FAM107B: variants seen among roughly 807,000 people sequenced by gnomAD.
FAM107B encodes the protein family with sequence similarity 107 member B, also known as protein FAM107B.
Under a neutral mutation model 31.5 loss-of-function variants are expected in FAM107B, and 21 were observed. That is an observed-to-expected ratio of 0.67 (90% confidence interval 0.47 to 0.96). The LOEUF (loss-of-function observed/expected upper bound fraction) is 0.96, where lower values mean the gene tolerates loss of function less well. FAM107B is among the 40% of genes least tolerant of loss of function. FAM107B has a pLI of 0.00. For synonymous variants in FAM107B, 157 were observed against 141.5 expected (o/e 1.11, Z -0.78); for missense variants, 452 against 377.1 (o/e 1.20, Z -1.64).
intron 2 of FAM107B, among the ~76,000 whole-genome samples, chr10:14,593,718 G>A (rs577136853): frequency 7.7e-4 from 116 of 151,390 alleles, no homozygotes; most frequent in African/African-American, 2.7e-3. Context: ...GAAAATTATT[G>A]CTTATCATGG....
intron 1 of FAM107B, among the ~76,000 whole-genome samples, chr10:14,689,870 G>A (rs540789773): frequency 1.5e-4 from 23 of 152,194 alleles, no homozygotes; most frequent in African/African-American, 5.3e-4. Context: ...AGCTGAGGCA[G>A]GAGGATTACT....
chr10:14,530,587 C>G, intron 2 of FAM107B, 72 bp from the exon 3 acceptor site: 1 of 1,425,604 alleles, frequency 7.0e-7, no homozygotes, highest in Non-Finnish European at 9.7e-7. Context: ...CAGAGGCCCA[C>G]AGAGCTGTGC....
intron 2 of FAM107B, among the ~76,000 whole-genome samples, chr10:14,665,957 A>C (rs533323016): frequency 2.0e-5 from 3 of 152,156 alleles, no homozygotes; most frequent in Non-Finnish European, 4.4e-5. Flanking sequence ...GGCCTATGTC[A>C]AACCTACCCC....
In FAM107B at chr10:14,667,646, T is replaced by G. The variant is rs1854439008; in HGVS notation, c.457A>C (p.Lys153Gln). The G allele has an allele frequency of 3.7e-6, 6 of 1,614,210 alleles. No individual in the cohort carries two copies. The East Asian group carries it at 1.3e-4, about 36-fold the overall frequency. The change falls in exon 2 of 5, where the codon AAA (lysine) becomes CAA (glutamine). Residue 153 changes from lysine (K) to glutamine (Q), a missense_variant. By Grantham distance (53) the Lys-to-Gln change is moderately conservative. Transcript: ENST00000181796. ...EEPKCLELEQ[K>Q]MTSDSPPEDI... ...GAATGTACTCTACCTGATGTCATTT[T>G]CTGCTCCAGCTCGAGGCATTTAGGT... is the stretch of plus-strand genomic sequence containing the variant.
chr10:14,747,922 T>G (rs1832757234), intron 1 of FAM107B, among the ~76,000 whole-genome samples: 1 of 152,244 alleles, frequency 6.6e-6, no homozygotes, highest in African/African-American at 2.4e-5. Context: ...GATCCATCTC[T>G]GCCTGTCCCT....
chr10:14,773,258 T>C (rs1001927187), intron 1 of FAM107B, among the ~76,000 whole-genome samples: 62 of 152,244 alleles, frequency 4.1e-4, no homozygotes, highest in African/African-American at 1.4e-3. Flanking sequence ...AAATGATGTT[T>C]TAACCCTATC....
At chr10:14,660,587 C>T (rs1017785625) in intron 2 of FAM107B, among the ~76,000 whole-genome samples, 13 of 152,112 alleles carry the variant, frequency 8.5e-5, no homozygotes, top group Admixed American at 7.2e-4. Flanking sequence ...GTGAAGGATC[C>T]GTAGTTTCTG....
At chr10:14,530,659 T>G in intron 2 of FAM107B, 144 bp from the exon 3 acceptor site, 1 of 713,874 alleles carries the variant, frequency 1.4e-6, no homozygotes, top group East Asian at 2.8e-5. Context: ...ATAAATATTC[T>G]AAAGCGCTTG....
intron 2 of FAM107B, among the ~76,000 whole-genome samples, chr10:14,625,930 G>A (rs1216582121): frequency 3.4e-5 from 5 of 145,158 alleles, no homozygotes; most frequent in East Asian, 2.2e-4. Flanking sequence ...AGGAGAAGTC[G>A]TAATGGAATC....
chr10:14,608,738 C>T (rs1852654992), intron 2 of FAM107B, among the ~76,000 whole-genome samples: 1 of 152,192 alleles, frequency 6.6e-6, no homozygotes, highest in African/African-American at 2.4e-5. Context: ...TACATTCTAC[C>T]ATTAAAAATG....
chr10:14,707,346 C>T (rs939985938), intron 1 of FAM107B, among the ~76,000 whole-genome samples: 4 of 116,928 alleles, frequency 3.4e-5, no homozygotes, highest in Admixed American at 2.9e-4. Context: ...CCACCAATTG[C>T]GTTCCCACAA....
chr10:14,604,756 CCTCT>C (rs1258021299), intron 2 of FAM107B, among the ~76,000 whole-genome samples: 2 of 130,336 alleles, frequency 1.5e-5, no homozygotes, highest in African/African-American at 5.7e-5. Context: ...TCTCCCTCTA[CCTCT>C]CTGTCTCTCT....
At chr10:14,755,559 C>G (rs1017128803) in intron 1 of FAM107B, among the ~76,000 whole-genome samples, 1 of 151,786 alleles carries the variant, frequency 6.6e-6, no homozygotes, top group South Asian at 2.1e-4. Flanking sequence ...TCTGTAGACA[C>G]CATGCTACAC....
intron 1 of FAM107B, among the ~76,000 whole-genome samples, chr10:14,700,827 C>CAAAAAAAAAA (rs1159035034): frequency 1.3e-5 from 1 of 76,014 alleles, no homozygotes; most frequent in Non-Finnish European, 2.3e-5. Flanking sequence ...TGGCAAGAGG[C>CAAAAAAAAAA]AAAAAAAAAA....
At chr10:14,754,528 C>T (rs74122989) in intron 1 of FAM107B, among the ~76,000 whole-genome samples, 3,066 of 152,268 alleles carry the variant, frequency 0.02, 118 homozygotes, top group East Asian at 0.16. Context: ...TCCAGCTGAA[C>T]GAGGATGTGA....
intron 1 of FAM107B, among the ~76,000 whole-genome samples, chr10:14,732,940 TATG>T (rs1856208822): frequency 6.8e-6 from 1 of 146,484 alleles, no homozygotes; most frequent in African/African-American, 2.5e-5. Flanking sequence ...ATATTATAAT[TATG>T]ATACGTTATG....
intron 1 of FAM107B, among the ~76,000 whole-genome samples, chr10:14,677,119 A>G (rs1413563610): frequency 6.6e-6 from 1 of 152,130 alleles, no homozygotes; most frequent in African/African-American, 2.4e-5. Context: ...ACAAGGGTTG[A>G]TCCCAGGAGC....
intron 1 of FAM107B, among the ~76,000 whole-genome samples, chr10:14,770,984 A>T (rs1301125651): frequency 1.5e-5 from 2 of 130,690 alleles, no homozygotes; most frequent in African/African-American, 3.9e-5. Flanking sequence ...CTAAAAAAAA[A>T]AAAAAAAAAA....
chr10:14,601,827 T>G (rs1004720083), intron 2 of FAM107B, among the ~76,000 whole-genome samples: 3 of 152,200 alleles, frequency 2.0e-5, no homozygotes, highest in Admixed American at 1.3e-4. Flanking sequence ...GAGAGAAGTC[T>G]TCTACCCCTC....
Sources: gnomAD v4.1 joint callset for allele counts (sites outside exome capture counted in the v4.1 genomes callset) on GRCh38, gnomAD v4.1.1 for gene constraint, MANE v1.5 for transcripts, NCBI Gene and HGNC (gene_info 2026-07-23, HGNC 2026-07-21) for gene names.